Variants in TENM3 observed in about 807,000 individuals in gnomAD.
The protein encoded by TENM3 is teneurin transmembrane protein 3, also known as teneurin-3.
Under a neutral mutation model 255.1 loss-of-function variants are expected in TENM3, and 63 were observed. The ratio of observed to expected loss-of-function variants is 0.25; its 90% confidence interval spans 0.20 to 0.30. TENM3 has a LOEUF of 0.30. TENM3 is among the 10% of genes least tolerant of loss of function. TENM3 has a pLI of 1.00. For missense variants in TENM3, 2,929 were observed against 3,461.1 expected, an observed-to-expected ratio of 0.85 and a Z score of 3.86; for synonymous variants, 1,306 against 1,322.3, an observed-to-expected ratio of 0.99 and a Z score of 0.27.
the TENM3 span, among the ~76,000 whole-genome samples, chr4:181,951,390 C>T: frequency 3.3e-5 from 5 of 152,196 alleles, no homozygotes; most frequent in African/African-American, 9.7e-5. Context: ...GAAACAGGAG[C>T]TTTAGCATGA....
chr4:181,671,689 C>G, the TENM3 span, among the ~76,000 whole-genome samples: 4 of 152,108 alleles, frequency 2.6e-5, no homozygotes, highest in South Asian at 8.3e-4. Context: ...AGGTTAGTAC[C>G]CAGTTAATTG....
chr4:181,460,743 G>A, the TENM3 span, among the ~76,000 whole-genome samples: 1 of 145,230 alleles, frequency 6.9e-6, no homozygotes, highest in Non-Finnish European at 1.5e-5. Flanking sequence ...CACATACTCA[G>A]TAACATATAC....
chr4:181,621,795 C>T, the TENM3 span, among the ~76,000 whole-genome samples: 3 of 152,114 alleles, frequency 2.0e-5, no homozygotes, highest in Non-Finnish European at 4.4e-5. Context: ...CAAGGAACTC[C>T]TAAGTTTGTA....
the TENM3 span, among the ~76,000 whole-genome samples, chr4:182,008,393 T>C: frequency 6.6e-6 from 1 of 152,128 alleles, no homozygotes; most frequent in Non-Finnish European, 1.5e-5. Context: ...GTTCGATCTT[T>C]TTATGAAGTC....
At chr4:181,550,396 G>A in the TENM3 span, among the ~76,000 whole-genome samples, 7 of 152,182 alleles carry the variant, frequency 4.6e-5, no homozygotes, top group Non-Finnish European at 1.0e-4. Context: ...TCAACTTCTA[G>A]CATCTCTGTA....
intron 6 of TENM3, among the ~76,000 whole-genome samples, 182 bp from the exon 7 acceptor site, chr4:182,672,823 G>A (rs2152552574): frequency 6.6e-6 from 1 of 152,318 alleles, no homozygotes; most frequent in East Asian, 1.9e-4. Context: ...ATCAGAATTA[G>A]TAAAACACCA....
the TENM3 span, among the ~76,000 whole-genome samples, chr4:181,711,098 C>G: frequency 1.3e-5 from 2 of 152,048 alleles, no homozygotes; most frequent in African/African-American, 2.4e-5. Flanking sequence ...GAAAAATTAC[C>G]TAGGGCTAAA....
At chr4:182,358,233 A>C (rs1765702363) in intron 3 of TENM3, among the ~76,000 whole-genome samples, 1 of 145,170 alleles carries the variant, frequency 6.9e-6, no homozygotes, top group South Asian at 2.3e-4. Context: ...ACTTTAAAGT[A>C]GTTTTTTCCA....
At chr4:182,759,378 G>A (rs1439882452) in intron 22 of TENM3, among the ~76,000 whole-genome samples, 1 of 152,206 alleles carries the variant, frequency 6.6e-6, no homozygotes, top group African/African-American at 2.4e-5. Flanking sequence ...GCTGGCATTT[G>A]CCAACGCTCC....
the TENM3 span, among the ~76,000 whole-genome samples, chr4:181,935,781 G>A: frequency 6.6e-6 from 1 of 152,058 alleles, no homozygotes; most frequent in African/African-American, 2.4e-5. Flanking sequence ...CCTCTGCACC[G>A]ATGCCTTTCC....
At chr4:181,640,001 CATA>C in the TENM3 span, among the ~76,000 whole-genome samples, 1 of 152,148 alleles carries the variant, frequency 6.6e-6, no homozygotes, top group African/African-American at 2.4e-5. Context: ...CATTTATCTC[CATA>C]ATAATTGGCA....
At chr4:182,079,861 A>G in the TENM3 span, 1 of 152,300 alleles carries the variant, frequency 6.6e-6, no homozygotes, top group African/African-American at 2.4e-5. Context: ...ATGTCACTTC[A>G]CCTTTTACCC....
intron 1 of TENM3, among the ~76,000 whole-genome samples, chr4:182,161,816 TATATATATACAC>T (rs1302040427): frequency 0.22 from 9,178 of 40,844 alleles, 3,402 homozygotes; most frequent in Non-Finnish European, 0.28. Context: ...CATATATATG[TATATATATACAC>T]ATATATATGT....
At chr4:181,488,786 G>A in the TENM3 span, among the ~76,000 whole-genome samples, 6 of 152,066 alleles carry the variant, frequency 3.9e-5, no homozygotes, top group Non-Finnish European at 8.8e-5. Flanking sequence ...TTCTTATCTG[G>A]CAGGTTGAAT....
chr4:182,674,035 T>A (rs1320350929), intron 7 of TENM3, among the ~76,000 whole-genome samples: 1 of 152,194 alleles, frequency 6.6e-6, no homozygotes, highest in Non-Finnish European at 1.5e-5. Flanking sequence ...AACTGAGACT[T>A]TCCCCAAGAT....
intron 3 of TENM3, among the ~76,000 whole-genome samples, chr4:182,526,092 G>C (rs1560873897): frequency 6.6e-6 from 1 of 152,118 alleles, no homozygotes; most frequent in Non-Finnish European, 1.5e-5. Context: ...CCGTTCTCCT[G>C]CCTCAGCCTC....
At chr4:182,433,539 C>T (rs896438329) in intron 3 of TENM3, among the ~76,000 whole-genome samples, 2 of 152,080 alleles carry the variant, frequency 1.3e-5, no homozygotes, top group Admixed American at 6.6e-5. Context: ...AAGGAAGTGA[C>T]GTGATGTACA....
chr4:182,329,210 A>G (rs1316893814), intron 2 of TENM3, among the ~76,000 whole-genome samples: 5 of 152,172 alleles, frequency 3.3e-5, no homozygotes, highest in African/African-American at 1.2e-4. Context: ...AAGCTGGCGC[A>G]AGTGTTTTCC....
chr4:181,536,936 T>C, the TENM3 span, among the ~76,000 whole-genome samples: 3 of 152,198 alleles, frequency 2.0e-5, no homozygotes, highest in Non-Finnish European at 4.4e-5. Flanking sequence ...TGATACAGAT[T>C]GCCTCATAAA....
Sources: allele counts gnomAD v4.1 joint callset (sites outside exome capture counted in the v4.1 genomes callset), GRCh38; gene constraint gnomAD v4.1.1; transcripts MANE v1.5; gene names NCBI Gene and HGNC (gene_info 2026-07-23, HGNC 2026-07-21).